Variants in RBMS3 observed in about 807,000 individuals in gnomAD.
RBMS3 encodes RNA binding motif single stranded interacting protein 3, also known as RNA-binding motif, single-stranded-interacting protein 3.
Under a neutral mutation model 66.8 loss-of-function variants are expected in RBMS3, and 27 were observed. The observed-to-expected ratio is 0.40, with a 90% CI of 0.30 to 0.56. The LOEUF (loss-of-function observed/expected upper bound fraction) is 0.56, where lower values mean the gene tolerates loss of function less well. Among genes scored for constraint, RBMS3 ranks in the 20% least tolerant of loss-of-function variants. The pLI is 0.40. For synonymous variants in RBMS3, 188 were observed against 183.0 expected, an observed-to-expected ratio of 1.03 and a Z score of -0.22; for missense variants, 513 against 549.5, an observed-to-expected ratio of 0.93 and a Z score of 0.66.
At chr3:29,755,265 T>G (rs1039542633) in intron 5 of RBMS3, among the ~76,000 whole-genome samples, 1 of 152,196 alleles carries the variant, frequency 6.6e-6, no homozygotes, top group East Asian at 1.9e-4. Flanking sequence ...AGTACATAGA[T>G]GAGTGTCCCT....
chr3:29,788,261 A>G (rs1373953563), intron 6 of RBMS3, among the ~76,000 whole-genome samples: 1 of 147,704 alleles, frequency 6.8e-6, no homozygotes, highest in Non-Finnish European at 1.5e-5. Flanking sequence ...AATGGTAATT[A>G]AAATCCCAGG....
intron 1 of RBMS3, among the ~76,000 whole-genome samples, chr3:29,306,795 C>G (rs1302237777): frequency 1.3e-5 from 2 of 151,886 alleles, no homozygotes; most frequent in Non-Finnish European, 2.9e-5. Flanking sequence ...TCCCGTTTGA[C>G]TGGAGTCTTT....
At chr3:29,326,991 A>G (rs182021921) in intron 1 of RBMS3, among the ~76,000 whole-genome samples, 1 of 152,206 alleles carries the variant, frequency 6.6e-6, no homozygotes, top group African/African-American at 2.4e-5. Context: ...TGGCCTCCCA[A>G]AGTGCTGGGA....
intron 6 of RBMS3, among the ~76,000 whole-genome samples, chr3:29,787,627 G>A (rs1216822088): frequency 6.6e-6 from 1 of 152,164 alleles, no homozygotes; most frequent in African/African-American, 2.4e-5. Flanking sequence ...ATATGTGGGA[G>A]CTAAGCTATG....
chr3:29,649,357 T>G (rs1405157541), intron 4 of RBMS3, among the ~76,000 whole-genome samples: 3 of 152,164 alleles, frequency 2.0e-5, no homozygotes, highest in Non-Finnish European at 4.4e-5. Flanking sequence ...TCACGTGAAT[T>G]TATCATCACA....
intron 6 of RBMS3, among the ~76,000 whole-genome samples, chr3:29,842,638 G>A (rs1326383705): frequency 6.6e-6 from 1 of 152,252 alleles, no homozygotes; most frequent in African/African-American, 2.4e-5. Flanking sequence ...TCTCCAGAAC[G>A]TGTGAATATC....
Position 29,947,206 on chromosome 3 carries a change from T to C in RBMS3, c.1098+2952T>C, listed in dbSNP as rs946261011. ...CTATTTCTTGGCAAAGTTTGAATCA[T>C]GGGAGCAGGTGGCCACAGTGGACTT... On this transcript the variant is annotated intron_variant, in intron 12 of 14. Coordinates refer to ENST00000383767, the MANE Select transcript of RBMS3 (RefSeq NM_001003793.3). Among the ~76,000 whole-genome samples the C allele has an allele frequency of 3.3e-5, 5 of 151,562 alleles. 1 individual carries two copies. The Admixed American group carries it at 3.3e-4, about 10-fold the overall frequency.
intron 4 of RBMS3, among the ~76,000 whole-genome samples, chr3:29,713,865 G>A (rs1576595020): frequency 1.3e-5 from 2 of 151,984 alleles, no homozygotes; most frequent in Admixed American, 6.6e-5. Context: ...GACCAGCCTG[G>A]GCAACATGGT....
At chr3:29,469,971 TATATA>T (rs1210489916) in intron 2 of RBMS3, among the ~76,000 whole-genome samples, 6 of 147,878 alleles carry the variant, frequency 4.1e-5, no homozygotes, top group Non-Finnish European at 9.0e-5. Flanking sequence ...TATATGAAAT[TATATA>T]ATATATAACC....
intron 2 of RBMS3, among the ~76,000 whole-genome samples, chr3:29,453,798 G>C (rs1258577141): frequency 6.6e-6 from 1 of 152,178 alleles, no homozygotes; most frequent in Admixed American, 6.5e-5. Flanking sequence ...GGCATTCCAC[G>C]CTAGCCAGGG....
chr3:29,679,745 G>T (rs2051408052), intron 4 of RBMS3, among the ~76,000 whole-genome samples: 1 of 142,298 alleles, frequency 7.0e-6, no homozygotes, highest in Non-Finnish European at 1.5e-5. Context: ...ATATGCTTTA[G>T]CAATAATTTA....
chr3:29,730,064 C>A (rs2054064973), intron 4 of RBMS3, among the ~76,000 whole-genome samples: 1 of 151,340 alleles, frequency 6.6e-6, no homozygotes, highest in Admixed American at 6.6e-5. Flanking sequence ...TCTTACCTAA[C>A]AACAAATAGT....
chr3:29,946,913 A>G (rs1695354474), intron 12 of RBMS3, among the ~76,000 whole-genome samples: 1 of 151,642 alleles, frequency 6.6e-6, no homozygotes, highest in Admixed American at 6.6e-5. Context: ...GAAGGCAGAC[A>G]GGCAAATTAA....
intron 1 of RBMS3, among the ~76,000 whole-genome samples, chr3:29,289,793 T>C (rs907458582): frequency 1.8e-4 from 27 of 151,956 alleles, no homozygotes; most frequent in African/African-American, 6.5e-4. Flanking sequence ...TAAATTTGTT[T>C]TAGACTTAAC....
chr3:29,645,816 T>G (rs1464182583), intron 4 of RBMS3, among the ~76,000 whole-genome samples: 1 of 152,216 alleles, frequency 6.6e-6, no homozygotes, highest in Non-Finnish European at 1.5e-5. Context: ...GTAATGTTTT[T>G]GGTAATATTA....
chr3:29,770,307 C>T (rs774616270), intron 6 of RBMS3, among the ~76,000 whole-genome samples: 4 of 151,956 alleles, frequency 2.6e-5, no homozygotes, highest in Non-Finnish European at 5.9e-5. Flanking sequence ...TATTGTTGCT[C>T]ATTTCTGCCT....
At chr3:29,425,802 G>A (rs1432848002) in intron 1 of RBMS3, among the ~76,000 whole-genome samples, 1 of 152,128 alleles carries the variant, frequency 6.6e-6, no homozygotes, top group Non-Finnish European at 1.5e-5. Context: ...CATTGACATG[G>A]TTGGCTAGCC....
At chr3:29,421,475 A>G (rs775463974) in intron 1 of RBMS3, among the ~76,000 whole-genome samples, 3 of 152,210 alleles carry the variant, frequency 2.0e-5, no homozygotes, top group African/African-American at 4.8e-5. Context: ...TTTCTTGTAT[A>G]TAAAACTCCT....
At chr3:29,439,498 C>T (rs893673928) in intron 2 of RBMS3, among the ~76,000 whole-genome samples, 1 of 152,082 alleles carries the variant, frequency 6.6e-6, no homozygotes, top group East Asian at 1.9e-4. Flanking sequence ...CGTTAAAAAG[C>T]AGGGACATGG....
Sources: gnomAD v4.1 joint callset for allele counts (sites outside exome capture counted in the v4.1 genomes callset) on GRCh38, gnomAD v4.1.1 for gene constraint, MANE v1.5 for transcripts, NCBI Gene and HGNC (gene_info 2026-07-23, HGNC 2026-07-21) for gene names.